The following TBPL2 variants were observed in gnomAD, a reference collection of about 807,000 sequenced individuals.
The protein encoded by TBPL2 is TATA box-binding protein-like 2.
TBPL2 carries 40 observed loss-of-function variants against 38.2 expected under a neutral mutation model. That is an observed-to-expected ratio of 1.05 (90% CI 0.81 to 1.36). The LOEUF (loss-of-function observed/expected upper bound fraction) is 1.36. TBPL2 is among the 40% of genes most tolerant of loss of function. The probability of loss-of-function intolerance (pLI) is 0.00; values close to 1 mark genes in which losing one functional copy is unlikely to be tolerated. For missense variants in TBPL2, 461 were observed against 456.7 expected (o/e 1.01, Z -0.09); for synonymous variants, 169 against 171.7 (o/e 0.98, Z 0.12).
At chr14:55,418,538 G>A (rs1459480534) in intron 6 of TBPL2, among the ~76,000 whole-genome samples, 1 of 152,072 alleles carries the variant, frequency 6.6e-6, no homozygotes, top group Non-Finnish European at 1.5e-5. Context: ...TATTAGTTGG[G>A]GGTTACTGTT....
chr14:55,437,061 G>C (rs770389876), intron 1 of TBPL2, 43 bp from the exon 2 acceptor site: 12 of 1,543,492 alleles, frequency 7.8e-6, no homozygotes, highest in Admixed American at 1.7e-5. Flanking sequence ...ACAACAGACA[G>C]AACAGCATGT....
chr14:55,418,734 G>A (rs976262024), intron 6 of TBPL2, among the ~76,000 whole-genome samples: 3 of 152,202 alleles, frequency 2.0e-5, no homozygotes, highest in African/African-American at 4.8e-5. Flanking sequence ...ATAAATAAGC[G>A]TTTTCCTGAA....
chr14:55,436,812 G>C (rs369692725), exon 2 of TBPL2: 28 of 1,614,078 alleles, frequency 1.7e-5, no homozygotes, highest in Non-Finnish European at 2.3e-5. Flanking sequence ...CTTCAGTTTC[G>C]TGTTTGCTAA....
chr14:55,440,474 T>TG lies in TBPL2; in HGVS notation c.71dup (p.Pro25ThrfsTer44), dbSNP rs1886094046. On this transcript the variant is annotated frameshift_variant, in exon 1 of 7. Transcript: ENST00000247219. LOFTEE classifies it high-confidence loss of function. ...TGGACCGTAATCCCACTGTTGGGGG[T>TG]GGGGGCGGGTAAGAGGGTAAGCGCG... 1.3e-6 allele frequency: 2 copies of TG among 1,576,620 alleles called. No individual in the cohort carries two copies. The highest frequency in any genetic ancestry group is 1.4e-5 in the African/African-American group (1 of 72,954).
In TBPL2 at chr14:55,439,613, A is replaced by ACCC. The variant is rs143930267; in HGVS notation, c.150+782_150+783insGGG. On this transcript the variant is annotated intron_variant, in intron 1 of 6. Coordinates refer to ENST00000247219, the Ensembl canonical transcript of TBPL2. Reference sequence around the variant, plus strand: ...CAACACCAGCCTGGGGAGAAAAGCAAACCCCCCCCCGTCTCTACTAAAAAA... The same window carrying ACCC: ...CAACACCAGCCTGGGGAGAAAAGCAACCCACCCCCCCCCGTCTCTACTAAAAAA... Among the ~76,000 whole-genome samples, 15 of 47,974 alleles carry ACCC rather than the reference A, an allele frequency of 3.1e-4. 2 individuals carry two copies. Among genetic ancestry groups the ACCC allele is most frequent in the East Asian group, 9.4e-4 (1 of 1,068 alleles). 31.5% of individuals were successfully genotyped at this position (47,974 alleles called of 152,430 possible). A position where few individuals can be genotyped will look rare whatever the true frequency, so the allele number is the denominator to read the frequency against.
chr14:55,437,254 A>G (rs1886031970), intron 1 of TBPL2, among the ~76,000 whole-genome samples: 1 of 152,260 alleles, frequency 6.6e-6, no homozygotes, highest in Non-Finnish European at 1.5e-5. Context: ...AGGCAGGCGG[A>G]TGGCTGGAGG....
At chr14:55,421,217 A>G (rs932926559) in intron 6 of TBPL2, among the ~76,000 whole-genome samples, 17 of 152,184 alleles carry the variant, frequency 1.1e-4, no homozygotes, top group Admixed American at 1.0e-3. Context: ...GGCACTTATG[A>G]AAGTTTCCTT....
At chr14:55,429,561 C>T (rs959180844) in intron 4 of TBPL2, among the ~76,000 whole-genome samples, 4 of 151,982 alleles carry the variant, frequency 2.6e-5, no homozygotes, top group African/African-American at 9.7e-5. Flanking sequence ...GACAGTAGCT[C>T]GAGACCGGCC....
intron 4 of TBPL2, among the ~76,000 whole-genome samples, chr14:55,430,368 T>C: frequency 7.1e-6 from 1 of 139,932 alleles, no homozygotes; most frequent in South Asian, 2.3e-4. Flanking sequence ...ATGTGTCACC[T>C]CATTTAATGT....
At chr14:55,438,144 G>T (rs956058225) in intron 1 of TBPL2, among the ~76,000 whole-genome samples, 1 of 152,156 alleles carries the variant, frequency 6.6e-6, no homozygotes, top group African/African-American at 2.4e-5. Flanking sequence ...AACTCAAAAA[G>T]ATCTTATTTC....
intron 5 of TBPL2, among the ~76,000 whole-genome samples, chr14:55,427,710 G>T (rs1056735426): frequency 6.6e-6 from 1 of 152,046 alleles, no homozygotes; most frequent in African/African-American, 2.4e-5. Context: ...CACCAAAACG[G>T]CTGGGGGCGG....
intron 1 of TBPL2, among the ~76,000 whole-genome samples, chr14:55,438,133 A>G (rs187304768): frequency 1.3e-5 from 2 of 152,236 alleles, no homozygotes; most frequent in Non-Finnish European, 2.9e-5. Context: ...CTTGCAGGAG[A>G]AACTCAAAAA....
chr14:55,423,842 C>A (rs1326340793), intron 6 of TBPL2, among the ~76,000 whole-genome samples: 1 of 152,118 alleles, frequency 6.6e-6, no homozygotes, highest in Non-Finnish European at 1.5e-5. Context: ...TGTGTTAGGA[C>A]CTTGTGTGGC....
chr14:55,432,017 A>G (rs1222921933), intron 4 of TBPL2, among the ~76,000 whole-genome samples: 1 of 152,204 alleles, frequency 6.6e-6, no homozygotes, highest in Non-Finnish European at 1.5e-5. Flanking sequence ...TTTGTATAAT[A>G]CTGTGCACAA....
chr14:55,440,296 T>C, intron 1 of TBPL2, 100 bp downstream of exon 1: 5 of 1,440,852 alleles, frequency 3.5e-6, no homozygotes. Context: ...GCCCGCCTCT[T>C]ATGGTCGCTA....
At position 55,433,728 on chromosome 14, in the gene TBPL2, C is replaced by A; in HGVS notation, c.697-7G>T. 1.2e-6 allele frequency: 2 copies of A among 1,612,550 alleles called. No homozygotes were observed. The highest frequency in any genetic ancestry group is 1.7e-6 in the Non-Finnish European group (2 of 1,179,266). Reference sequence around the variant, plus strand: ...TTATGACAGCAGCAAACCTCTATACCCAGAAACCAAAAGAGAATTAGCCTC... The same window carrying A: ...TTATGACAGCAGCAAACCTCTATACACAGAAACCAAAAGAGAATTAGCCTC... On this transcript the variant is annotated splice_region_variant and splice_polypyrimidine_tract_variant and intron_variant, in intron 3 of 6. Transcript: ENST00000247219.
intron 1 of TBPL2, among the ~76,000 whole-genome samples, chr14:55,437,318 A>C (rs1233649351): frequency 6.6e-6 from 1 of 152,254 alleles, no homozygotes; most frequent in East Asian, 1.9e-4. Flanking sequence ...TCTCTACTAA[A>C]AATGCAAAAA....
At chr14:55,426,392 T>A (rs1377401092) in intron 5 of TBPL2, among the ~76,000 whole-genome samples, 1 of 152,188 alleles carries the variant, frequency 6.6e-6, no homozygotes, top group Non-Finnish European at 1.5e-5. Flanking sequence ...ACTTGTATTA[T>A]TAAATGTTGA....
chr14:55,416,241 T>C (rs1885666685), intron 6 of TBPL2, among the ~76,000 whole-genome samples: 1 of 152,230 alleles, frequency 6.6e-6, no homozygotes, highest in Admixed American at 6.5e-5. Flanking sequence ...AAATTTGTTA[T>C]GTGCGTTCAC....
Sources: gnomAD v4.1 joint callset for allele counts (sites outside exome capture counted in the v4.1 genomes callset) on GRCh38, gnomAD v4.1.1 for gene constraint, MANE v1.5 for transcripts, NCBI Gene and HGNC (gene_info 2026-07-23, HGNC 2026-07-21) for gene names.